IRF2: variants seen among roughly 807,000 people sequenced by gnomAD.
IRF2 encodes interferon regulatory factor 2.
IRF2 carries 15 observed loss-of-function variants against 40.6 expected under a neutral mutation model. That is an observed-to-expected ratio of 0.37 (90% CI 0.25 to 0.57). The LOEUF (loss-of-function observed/expected upper bound fraction) is 0.57, where lower values mean the gene tolerates loss of function less well. Among genes scored for constraint, IRF2 ranks in the 20% least tolerant of loss-of-function variants. The pLI, the probability that IRF2 is intolerant of heterozygous loss-of-function variation, is 0.77. For missense variants in IRF2, 317 were observed against 455.7 expected, an observed-to-expected ratio of 0.70 and a Z score of 2.77; for synonymous variants, 151 against 165.5, an observed-to-expected ratio of 0.91 and a Z score of 0.67.
At chr4:184,441,174 G>A (rs1246537055) in intron 1 of IRF2, among the ~76,000 whole-genome samples, 1 of 152,146 alleles carries the variant, frequency 6.6e-6, no homozygotes, top group Non-Finnish European at 1.5e-5. Flanking sequence ...AATCCACTGA[G>A]ACCAACGCTC....
At chr4:184,455,013 G>A (rs1045029324) in intron 1 of IRF2, among the ~76,000 whole-genome samples, 1 of 152,116 alleles carries the variant, frequency 6.6e-6, no homozygotes, top group African/African-American at 2.4e-5. Flanking sequence ...TCCACCTTCT[G>A]TAATAGAAGC....
At chr4:184,400,443 C>T (rs1736627022) in intron 6 of IRF2, among the ~76,000 whole-genome samples, 1 of 152,032 alleles carries the variant, frequency 6.6e-6, no homozygotes, top group African/African-American at 2.4e-5. Flanking sequence ...ATAGGTGTAC[C>T]AGTGTGTTTA....
chr4:184,464,299 A>G (rs1739248066), intron 1 of IRF2, among the ~76,000 whole-genome samples: 1 of 152,174 alleles, frequency 6.6e-6, no homozygotes, highest in Non-Finnish European at 1.5e-5. Flanking sequence ...TGTTCAGGAC[A>G]TGAAGATAAG....
chr4:184,395,758 G>T (rs1249745737), intron 7 of IRF2, among the ~76,000 whole-genome samples: 3 of 152,194 alleles, frequency 2.0e-5, no homozygotes, highest in Non-Finnish European at 2.9e-5. Flanking sequence ...AGAACCAAAG[G>T]CCAGGCTGAA....
At chr4:184,465,387 G>A (rs1410895729) in intron 1 of IRF2, among the ~76,000 whole-genome samples, 1 of 152,136 alleles carries the variant, frequency 6.6e-6, no homozygotes, top group South Asian at 2.1e-4. Context: ...GGGCAGAGAT[G>A]ACATATTAGC....
At chr4:184,415,501 A>G (rs779402161) in intron 5 of IRF2, among the ~76,000 whole-genome samples, 5 of 152,232 alleles carry the variant, frequency 3.3e-5, no homozygotes, top group African/African-American at 4.8e-5. Flanking sequence ...CGGGACCACC[A>G]CATGGCATGA....
intron 2 of IRF2, among the ~76,000 whole-genome samples, chr4:184,426,478 T>C (rs536500689): frequency 4.9e-4 from 74 of 152,306 alleles, no homozygotes; most frequent in Non-Finnish European, 8.7e-4. Flanking sequence ...ACACTCCTCA[T>C]TGGCATCAGG....
At chr4:184,439,719 C>T (rs1250772237) in intron 1 of IRF2, among the ~76,000 whole-genome samples, 4 of 152,292 alleles carry the variant, frequency 2.6e-5, no homozygotes, top group East Asian at 1.9e-4. Flanking sequence ...TATATCCTTT[C>T]GGAAGCTATT....
At chr4:184,395,966 CAAG>C (rs1382395071) in intron 7 of IRF2, among the ~76,000 whole-genome samples, 1 of 152,164 alleles carries the variant, frequency 6.6e-6, no homozygotes, top group Non-Finnish European at 1.5e-5. Flanking sequence ...CCAGAATCCC[CAAG>C]AAGACCTCAG....
chr4:184,391,974 A>G (rs1736277888), intron 7 of IRF2, among the ~76,000 whole-genome samples: 1 of 152,266 alleles, frequency 6.6e-6, no homozygotes, highest in South Asian at 2.1e-4. Flanking sequence ...CACACTCCAT[A>G]CATCAGCACT....
At chr4:184,435,010 C>A (rs1286506928) in intron 1 of IRF2, among the ~76,000 whole-genome samples, 3 of 152,186 alleles carry the variant, frequency 2.0e-5, no homozygotes, top group Non-Finnish European at 4.4e-5. Context: ...GATCACACCA[C>A]TGCATTCCAG....
At chr4:184,429,543 C>A (rs1313430828) in intron 1 of IRF2, among the ~76,000 whole-genome samples, 1 of 152,146 alleles carries the variant, frequency 6.6e-6, no homozygotes, top group Admixed American at 6.5e-5. Context: ...CGCTTTCAAC[C>A]CCCAATATTA....
At chr4:184,397,460 A>G (rs1561083769) in intron 7 of IRF2, among the ~76,000 whole-genome samples, 1 of 152,178 alleles carries the variant, frequency 6.6e-6, no homozygotes, top group South Asian at 2.1e-4. Flanking sequence ...GAATGCTACT[A>G]AACTGTGTAC....
intron 4 of IRF2, 64 bp from the exon 5 acceptor site, chr4:184,418,277 C>A: frequency 7.8e-7 from 1 of 1,282,120 alleles, no homozygotes; most frequent in Non-Finnish European, 1.1e-6. Flanking sequence ...ACATTTCCCT[C>A]AAATTAAATT....
chr4:184,417,385 T>A lies in IRF2; in HGVS notation c.411+782A>T, dbSNP rs181827365. 1.2e-4 allele frequency among the ~76,000 whole-genome samples: 18 copies of A among 152,314 alleles called. No homozygotes were observed. In the East Asian group the frequency reaches 1.7e-3, roughly 15 times the overall value. ...AACACCCTCCGCCTAAATTTCTTCA[T>A]CTGCAAAGGGAGGCCAGGGAGCTCG... On this transcript the variant is annotated intron_variant, in intron 5 of 8. Transcript: ENST00000393593.
chr4:184,473,675 G>T (rs1327633770), intron 1 of IRF2, among the ~76,000 whole-genome samples: 2 of 137,078 alleles, frequency 1.5e-5, no homozygotes, highest in African/African-American at 5.2e-5. Context: ...GCTGGCACCC[G>T]ACGCCCGCGA....
At chr4:184,396,385 A>T (rs1005635655) in intron 7 of IRF2, among the ~76,000 whole-genome samples, 4 of 150,770 alleles carry the variant, frequency 2.7e-5, no homozygotes, top group African/African-American at 9.8e-5. Flanking sequence ...TCCCTCAGAC[A>T]CGCTGCTCTA....
At position 184,408,334 on chromosome 4, in the gene IRF2, G is replaced by T; in HGVS notation, c.412-59C>A. ...ACTTCCTTTCCCCTCCCTTCTCTTA[G>T]CTGAAATTCTACCCTCTGCCTACTT... On this transcript the variant is annotated intron_variant, in intron 5 of 8. Coordinates refer to ENST00000393593, the MANE Select transcript of IRF2 (RefSeq NM_002199.4). This position sits in a 1 kb window ranked among gnomAD's most constrained non-coding sequence, Gnocchi z 4.9. 9.5e-7 allele frequency: 1 copy of T among 1,056,246 alleles called. No homozygotes were observed. The highest frequency in any genetic ancestry group is 1.5e-6 in the Non-Finnish European group (1 of 677,520). 65.4% of individuals were successfully genotyped at this position (1,056,246 alleles called of 1,614,324 possible). A position where few individuals can be genotyped will look rare whatever the true frequency, so the allele number is the denominator to read the frequency against.
At chr4:184,407,951 C>T (rs550812044) in intron 6 of IRF2, among the ~76,000 whole-genome samples, 12 of 150,338 alleles carry the variant, frequency 8.0e-5, no homozygotes, top group African/African-American at 2.5e-4. Flanking sequence ...CCTTCTTCCA[C>T]GGAGGCTGAC....
Sources: allele counts gnomAD v4.1 joint callset (sites outside exome capture counted in the v4.1 genomes callset), GRCh38; gene constraint gnomAD v4.1.1; non-coding constraint Gnocchi (gnomAD v3.1); transcripts MANE v1.5; gene names NCBI Gene and HGNC (gene_info 2026-07-23, HGNC 2026-07-21).